The following FNBP1 variants were observed in gnomAD, a reference collection of about 807,000 sequenced individuals.
FNBP1 encodes the protein formin binding protein 1.
FNBP1 carries 26 observed loss-of-function variants against 90.6 expected under a neutral mutation model. That is an observed-to-expected ratio of 0.29 (90% CI 0.21 to 0.40). The LOEUF (loss-of-function observed/expected upper bound fraction) is 0.40, where lower values mean the gene tolerates loss of function less well. Among genes scored for constraint, FNBP1 ranks in the 10% least tolerant of loss-of-function variants. FNBP1 has a pLI of 1.00. For synonymous variants in FNBP1, 260 were observed against 265.2 expected, an observed-to-expected ratio of 0.98 and a Z score of 0.19; for missense variants, 635 against 768.0, an observed-to-expected ratio of 0.83 and a Z score of 2.05.
At chr9:130,019,592 T>C (rs2131873494) in intron 1 of FNBP1, among the ~76,000 whole-genome samples, 1 of 152,290 alleles carries the variant, frequency 6.6e-6, no homozygotes, top group East Asian at 1.9e-4. Flanking sequence ...ATCTGCCATA[T>C]AAATTCAAAT....
At chr9:129,908,735 T>C (rs1429150305) in intron 12 of FNBP1, among the ~76,000 whole-genome samples, 155 bp downstream of exon 12, 1 of 151,702 alleles carries the variant, frequency 6.6e-6, no homozygotes, top group African/African-American at 2.4e-5. Context: ...ATATTTTTAG[T>C]AGAGACGGGG....
In FNBP1 at chr9:129,965,093, T is replaced by A. The variant is rs1025010225; in HGVS notation, c.346-6540A>T. On this transcript the variant is annotated intron_variant, in intron 4 of 16. Transcript: ENST00000446176. ...AACAGGAGCAGCTTCCAAGTCTGAA[T>A]CAGGACTCCCAGTTTTAATTGAGCT... is the stretch of plus-strand genomic sequence containing the variant. Among the ~76,000 whole-genome samples, 12 of 152,168 alleles carry A rather than the reference T, an allele frequency of 7.9e-5. No individual in the cohort carries two copies. The East Asian group carries it at 2.1e-3, about 27-fold the overall frequency.
intron 1 of FNBP1, among the ~76,000 whole-genome samples, chr9:130,029,147 GTTCT>G (rs1453463150): frequency 6.6e-6 from 1 of 151,832 alleles, no homozygotes; most frequent in African/African-American, 2.4e-5. Context: ...TTAAAATATT[GTTCT>G]TTCTCTTTTC....
In FNBP1 at chr9:129,957,258, G is replaced by A. The variant is rs529198461; in HGVS notation, c.513+102C>T. On this transcript the variant is annotated intron_variant, in intron 6 of 16. Coordinates refer to ENST00000446176, the MANE Select transcript of FNBP1 (RefSeq NM_015033.3). This position sits in a 1 kb window ranked among gnomAD's most constrained non-coding sequence, Gnocchi z 4.3. ...TCACCATCTTGGCCAGGCTGGTCTCGAACTCCTGGCCTCAGGTGATCCGCT... is the reference window on the plus strand; with the variant it reads ...TCACCATCTTGGCCAGGCTGGTCTCAAACTCCTGGCCTCAGGTGATCCGCT... 18 of 790,818 alleles carry A rather than the reference G, an allele frequency of 2.3e-5. No individual in the cohort carries two copies. The highest frequency in any genetic ancestry group is 1.2e-4 in the African/African-American group (7 of 58,010). The allele number at this position is 790,818 out of a possible 1,614,324, so 49.0% of individuals were successfully genotyped here. A position where few individuals can be genotyped will look rare whatever the true frequency, so the allele number is the denominator to read the frequency against.
chr9:130,006,263 T>G (rs2055681399), intron 1 of FNBP1, among the ~76,000 whole-genome samples: 1 of 151,952 alleles, frequency 6.6e-6, no homozygotes, highest in Admixed American at 6.6e-5. Flanking sequence ...GCCAATATGG[T>G]GAAACCCCGT....
the FNBP1 span, chr9:130,053,601 CA>C: frequency 8.1e-6 from 3 of 371,376 alleles, no homozygotes; most frequent in Non-Finnish European, 1.5e-5. Flanking sequence ...ACCCTGAGAT[CA>C]GGGGTCCCCG....
intron 1 of FNBP1, among the ~76,000 whole-genome samples, chr9:130,033,058 G>A (rs180933722): frequency 1.3e-5 from 2 of 152,092 alleles, no homozygotes; most frequent in Middle Eastern, 3.4e-3. Flanking sequence ...CCTGCTTACC[G>A]CAGGAGAGTT....
chr9:130,004,398 C>A (rs985219802), intron 1 of FNBP1, among the ~76,000 whole-genome samples: 4 of 152,106 alleles, frequency 2.6e-5, no homozygotes, highest in Admixed American at 2.6e-4. Context: ...GAGGCCAGTC[C>A]CCCTCTGCAA....
At chr9:129,995,714 T>C (rs537381732) in intron 1 of FNBP1, among the ~76,000 whole-genome samples, 1 of 152,288 alleles carries the variant, frequency 6.6e-6, no homozygotes, top group East Asian at 1.9e-4. Flanking sequence ...TAGCAACAGC[T>C]AATGCAAAGA....
intron 2 of FNBP1, among the ~76,000 whole-genome samples, chr9:129,990,478 A>T (rs1483816229): frequency 6.6e-6 from 1 of 152,150 alleles, no homozygotes; most frequent in African/African-American, 2.4e-5. Flanking sequence ...GATGCCTGGC[A>T]TGTACAAAAA....
At chr9:129,927,073 G>T in intron 8 of FNBP1, 122 bp downstream of exon 8, 1 of 925,636 alleles carries the variant, frequency 1.1e-6, no homozygotes, top group Non-Finnish European at 1.7e-6. Context: ...CACAGAGCAT[G>T]TGTGACCACC....
At position 130,031,670 on chromosome 9, in the gene FNBP1, T is replaced by C. The variant is rs1199589760; in HGVS notation, c.24+11282A>G. Among the ~76,000 whole-genome samples the C allele has an allele frequency of 6.6e-6, 1 of 152,128 alleles. No individual in the cohort carries two copies. The highest frequency in any genetic ancestry group is 1.5e-5 in the Non-Finnish European group (1 of 68,022). Reference sequence around the variant, plus strand: ...ACAATAATTTCTTTCTTTCTTTCTTTCTTTTTTTTGACAGGGAGTCTCGCT... The same window carrying C: ...ACAATAATTTCTTTCTTTCTTTCTTCCTTTTTTTTGACAGGGAGTCTCGCT... On this transcript the variant is annotated intron_variant, in intron 1 of 16. Coordinates refer to ENST00000446176, the MANE Select transcript of FNBP1 (RefSeq NM_015033.3). This position sits in a 1 kb window ranked among gnomAD's most constrained non-coding sequence, Gnocchi z 4.2.
At chr9:129,929,345 G>A (rs796088339) in intron 7 of FNBP1, among the ~76,000 whole-genome samples, 8 of 150,008 alleles carry the variant, frequency 5.3e-5, no homozygotes, top group African/African-American at 2.0e-4. Context: ...AGGAGGCAGG[G>A]GTTGCAATGA....
chr9:129,979,477 A>C, intron 2 of FNBP1, 103 bp from the exon 3 acceptor site: 1 of 792,696 alleles, frequency 1.3e-6, no homozygotes, highest in Non-Finnish European at 2.0e-6. Context: ...TAAAACAAAC[A>C]AAAAAAGTCC....
At chr9:129,948,886 G>T (rs532159293) in intron 6 of FNBP1, among the ~76,000 whole-genome samples, 1 of 151,816 alleles carries the variant, frequency 6.6e-6, no homozygotes, top group African/African-American at 2.4e-5. Flanking sequence ...ACCTCAAGGG[G>T]TTAAGAGTAA....
upstream of FNBP1, chr9:130,043,256 G>A: frequency 3.6e-6 from 1 of 281,370 alleles, no homozygotes; most frequent in Admixed American, 5.3e-5. Context: ...GAGGGGCGGG[G>A]CCGGTCTGAC....
upstream of FNBP1, among the ~76,000 whole-genome samples, chr9:130,043,945 G>A (rs1407979868): frequency 6.6e-6 from 1 of 152,238 alleles, no homozygotes; most frequent in Non-Finnish European, 1.5e-5. Flanking sequence ...TCCACCTCTG[G>A]AAGCGCAGAG....
chr9:129,947,169 G>C (rs916864986), intron 6 of FNBP1, among the ~76,000 whole-genome samples: 4 of 152,076 alleles, frequency 2.6e-5, no homozygotes, highest in Non-Finnish European at 4.4e-5. Context: ...GGCTGGGCAC[G>C]GTGGCTCACG....
At chr9:130,001,533 C>T (rs1420699990) in intron 1 of FNBP1, among the ~76,000 whole-genome samples, 1 of 152,052 alleles carries the variant, frequency 6.6e-6, no homozygotes, top group Non-Finnish European at 1.5e-5. Context: ...CAGGAAACTC[C>T]AGAGGTCCAG....
Sources: allele counts gnomAD v4.1 joint callset (sites outside exome capture counted in the v4.1 genomes callset), GRCh38; gene constraint gnomAD v4.1.1; non-coding constraint Gnocchi (gnomAD v3.1); transcripts MANE v1.5; gene names NCBI Gene and HGNC (gene_info 2026-07-23, HGNC 2026-07-21).